TBC1D22A: variants seen among roughly 807,000 people sequenced by gnomAD.
TBC1D22A encodes the protein putative GTPase activator.
A neutral mutation model predicts 60.2 loss-of-function variants in TBC1D22A; 38 were observed. The ratio of observed to expected loss-of-function variants is 0.63; its 90% confidence interval spans 0.49 to 0.83. The LOEUF is 0.83. Among genes scored for constraint, TBC1D22A ranks in the 40% least tolerant of loss-of-function variants. The pLI is 0.00. For missense variants in TBC1D22A, 628 were observed against 701.0 expected, an observed-to-expected ratio of 0.90 and a Z score of 1.18; for synonymous variants, 302 against 281.7, an observed-to-expected ratio of 1.07 and a Z score of -0.72.
At chr22:46,829,645 A>C (rs995800928) in intron 4 of TBC1D22A, among the ~76,000 whole-genome samples, 3 of 152,230 alleles carry the variant, frequency 2.0e-5, no homozygotes, top group Admixed American at 2.0e-4. Context: ...AAGCATTTAC[A>C]GTGGCCTGTT....
At chr22:46,886,512 A>G (rs1367061890) in intron 5 of TBC1D22A, among the ~76,000 whole-genome samples, 1 of 152,184 alleles carries the variant, frequency 6.6e-6, no homozygotes, top group Non-Finnish European at 1.5e-5. Flanking sequence ...TGCCAGGGCT[A>G]CTTGGAAATC....
chr22:47,037,141 C>A lies in TBC1D22A; in HGVS notation c.1272C>A (p.Asn424Lys). 6.2e-7 allele frequency: 1 copy of A among 1,613,988 alleles called. No homozygotes were observed. The highest frequency in any genetic ancestry group is 8.5e-7 in the Non-Finnish European group (1 of 1,179,950). The change falls in exon 11 of 13, where the codon AAC (asparagine) becomes AAA (lysine). Residue 424 changes from asparagine to lysine, a missense_variant. Asn to Lys is a moderately conservative substitution (Grantham distance 94). Transcript: ENST00000337137. ...YLQFAFRWMN[N>K]LLMREVPLRC... is the part of the protein sequence containing the mutation. ...AGTTTGCCTTCCGCTGGATGAACAACCTGCTGATGAGGGAGGTGCCCCTGC... is the reference window on the plus strand; with the variant it reads ...AGTTTGCCTTCCGCTGGATGAACAAACTGCTGATGAGGGAGGTGCCCCTGC...
chr22:46,855,162 G>A (rs1160650640), intron 4 of TBC1D22A, among the ~76,000 whole-genome samples: 1 of 152,160 alleles, frequency 6.6e-6, no homozygotes, highest in Non-Finnish European at 1.5e-5. Context: ...GAGGTTGCTG[G>A]GAAGTGCTGG....
intron 1 of TBC1D22A, among the ~76,000 whole-genome samples, chr22:46,779,106 G>A (rs997868011): frequency 6.6e-6 from 1 of 152,222 alleles, no homozygotes; most frequent in African/African-American, 2.4e-5. Flanking sequence ...CAGTAGCATA[G>A]TTGTTCATTA....
chr22:47,055,874 A>AGATACGCCACTGAGGGTCGG (rs1569397708), intron 11 of TBC1D22A, among the ~76,000 whole-genome samples: 1,840 of 93,922 alleles, frequency 0.02, 47 homozygotes, highest in African/African-American at 0.059. Flanking sequence ...CGGAGGGTTG[A>AGATACGCCACTGAGGGTCGG]TGAGATACGC....
At chr22:47,128,436 C>T (rs73889412) in intron 12 of TBC1D22A, among the ~76,000 whole-genome samples, 1,647 of 144,078 alleles carry the variant, frequency 0.011, 40 homozygotes, top group African/African-American at 0.037. Context: ...TGTTCCGTCC[C>T]TGGCTTCCGG....
chr22:47,143,734 C>T (rs1395931436), intron 12 of TBC1D22A, among the ~76,000 whole-genome samples: 1 of 152,206 alleles, frequency 6.6e-6, no homozygotes, highest in African/African-American at 2.4e-5. Flanking sequence ...ATCGCGTGTA[C>T]CCAGCTGAGC....
intron 11 of TBC1D22A, among the ~76,000 whole-genome samples, chr22:47,055,147 C>T (rs916133262): frequency 2.0e-5 from 3 of 152,240 alleles, no homozygotes; most frequent in African/African-American, 7.2e-5. Flanking sequence ...GGGTCTACCC[C>T]AAAGCCCACA....
At chr22:47,127,394 A>ATT (rs11387235) in intron 12 of TBC1D22A, among the ~76,000 whole-genome samples, 3,997 of 122,360 alleles carry the variant, frequency 0.033, 190 homozygotes, top group African/African-American at 0.085. Context: ...CGCCCAGCTG[A>ATT]TTTTTTTTTT....
At chr22:47,119,742 G>A (rs892953525) in intron 12 of TBC1D22A, among the ~76,000 whole-genome samples, 1 of 152,082 alleles carries the variant, frequency 6.6e-6, no homozygotes, top group African/African-American at 2.4e-5. Context: ...TAATCCGCCC[G>A]CCTCAGCCTC....
intron 10 of TBC1D22A, among the ~76,000 whole-genome samples, chr22:46,999,410 A>G (rs1193279989): frequency 6.6e-6 from 1 of 152,214 alleles, no homozygotes; most frequent in Non-Finnish European, 1.5e-5. Flanking sequence ...TTGAGAGGTT[A>G]AACTGTCTAA....
At chr22:47,050,241 G>C (rs900644145) in intron 11 of TBC1D22A, among the ~76,000 whole-genome samples, 1 of 152,108 alleles carries the variant, frequency 6.6e-6, no homozygotes, top group African/African-American at 2.4e-5. Context: ...CTGACCTCAA[G>C]TGATCCGCCC....
intron 11 of TBC1D22A, among the ~76,000 whole-genome samples, chr22:47,104,935 C>A (rs1397690588): frequency 6.6e-6 from 1 of 151,810 alleles, no homozygotes; most frequent in Non-Finnish European, 1.5e-5. Flanking sequence ...TTTCACTTGT[C>A]CCCCCTTTCT....
chr22:46,878,745 A>G (rs759038652), intron 5 of TBC1D22A, 22 bp downstream of exon 5: 15 of 1,610,618 alleles, frequency 9.3e-6, no homozygotes, highest in South Asian at 4.4e-5. Flanking sequence ...CGCACCGCCC[A>G]TCAGCGCCTC....
chr22:46,883,945 G>A (rs371274344), intron 5 of TBC1D22A, among the ~76,000 whole-genome samples: 12 of 152,300 alleles, frequency 7.9e-5, no homozygotes, highest in Middle Eastern at 3.4e-3. Flanking sequence ...GTGAGCACAC[G>A]CATCTTTCTC....
At chr22:47,008,904 G>A (rs2061666130) in intron 10 of TBC1D22A, among the ~76,000 whole-genome samples, 2 of 152,198 alleles carry the variant, frequency 1.3e-5, no homozygotes, top group African/African-American at 2.4e-5. Flanking sequence ...GAGTGACAGC[G>A]AAAATGCCAG....
intron 11 of TBC1D22A, among the ~76,000 whole-genome samples, chr22:47,082,387 C>T (rs537224854): frequency 1.0e-4 from 15 of 147,310 alleles, no homozygotes; most frequent in East Asian, 8.1e-4. Flanking sequence ...ATCAGGACAG[C>T]GTGGCATTGA....
rs566196446 is a variant in TBC1D22A at position 46,932,429 on chromosome 22, A to G, written c.1015+20241A>G. Among the ~76,000 whole-genome samples the G allele has an allele frequency of 6.6e-5, 10 of 152,322 alleles. No individual in the cohort carries two copies. The East Asian group carries it at 1.9e-3, about 29-fold the overall frequency. ...CATATATTTGCAATATTTGTCCTTC[A>G]GCTTTTGCATTTGTATCCACGAGTG... On this transcript the variant is annotated intron_variant, in intron 8 of 12. Coordinates refer to ENST00000337137, the MANE Select transcript of TBC1D22A (RefSeq NM_014346.5).
At chr22:46,825,179 GT>G (rs2085998285) in intron 4 of TBC1D22A, among the ~76,000 whole-genome samples, 1 of 152,168 alleles carries the variant, frequency 6.6e-6, no homozygotes, top group Admixed American at 6.5e-5. Flanking sequence ...TAATAGTTAT[GT>G]AATAACTTAA....
Sources: allele counts gnomAD v4.1 joint callset (sites outside exome capture counted in the v4.1 genomes callset), GRCh38; gene constraint gnomAD v4.1.1; transcripts MANE v1.5; gene names NCBI Gene and HGNC (gene_info 2026-07-23, HGNC 2026-07-21).